The following SYT16 variants were observed in gnomAD, a reference collection of about 807,000 sequenced individuals.
SYT16 encodes synaptotagmin 16.
A neutral mutation model predicts 61.4 loss-of-function variants in SYT16; 42 were observed. That is an observed-to-expected ratio of 0.68 (90% CI 0.53 to 0.89). The LOEUF (loss-of-function observed/expected upper bound fraction) is 0.89, where lower values mean the gene tolerates loss of function less well. Among genes scored for constraint, SYT16 ranks in the 40% least tolerant of loss-of-function variants. The pLI is 0.00. For synonymous variants in SYT16, 314 were observed against 302.3 expected (o/e 1.04, Z -0.40); for missense variants, 804 against 807.3 (o/e 1.00, Z 0.05).
intron 1 of SYT16, among the ~76,000 whole-genome samples, chr14:61,879,443 A>C (rs186869706): frequency 1.4e-4 from 21 of 152,296 alleles, no homozygotes; most frequent in Admixed American, 1.3e-4. Context: ...ACTTTTGACA[A>C]GCAATTCACC....
chr14:61,994,630 T>G (rs2052688674), intron 2 of SYT16, among the ~76,000 whole-genome samples: 1 of 152,096 alleles, frequency 6.6e-6, no homozygotes, highest in African/African-American at 2.4e-5. Context: ...TGTATACATG[T>G]AGGTGGTGGG....
chr14:61,894,948 T>A (rs564848957), intron 1 of SYT16, among the ~76,000 whole-genome samples: 2 of 152,214 alleles, frequency 1.3e-5, no homozygotes, highest in Non-Finnish European at 2.9e-5. Flanking sequence ...CAGGAGTAGC[T>A]GTGGGCTCCA....
chr14:62,030,764 G>T (rs922373135), intron 3 of SYT16, among the ~76,000 whole-genome samples: 2 of 152,184 alleles, frequency 1.3e-5, no homozygotes, highest in African/African-American at 2.4e-5. Context: ...AAGCATTGAT[G>T]AAACAAAATG....
chr14:62,090,104 AAGTT>A (rs2057020157), intron 7 of SYT16, among the ~76,000 whole-genome samples: 1 of 152,212 alleles, frequency 6.6e-6, no homozygotes, highest in Non-Finnish European at 1.5e-5. Context: ...TGTTTCAAAA[AAGTT>A]AGGTATTGTG....
In SYT16 at chr14:62,109,215, A is replaced by G. The variant is rs2141040151; in HGVS notation, c.*8508A>G. 1 of 150,632 alleles carries G rather than the reference A, an allele frequency of 6.6e-6. No individual in the cohort carries two copies. Among genetic ancestry groups the G allele is most frequent in the East Asian group, 2.0e-4 (1 of 5,122 alleles). 9.3% of individuals were successfully genotyped at this position (150,632 alleles called of 1,614,324 possible). On this transcript the variant is annotated 3_prime_UTR_variant, in exon 8 of 8. Coordinates refer to ENST00000683842, the MANE Select transcript of SYT16 (RefSeq NM_001367656.1). ...CCCTCCCACCTAAGCCCTGGCATCC[A>G]CTGGTCCTTGTACTGTCCCCAGAGT... is the stretch of plus-strand genomic sequence containing the variant.
rs2057526624 is a variant in SYT16 at position 62,107,041 on chromosome 14, T to A, written c.*6334T>A. 1 of 151,876 alleles carries A rather than the reference T, an allele frequency of 6.6e-6. No individual in the cohort carries two copies. Among genetic ancestry groups the A allele is most frequent in the African/African-American group, 2.4e-5 (1 of 41,312 alleles). The allele number at this position is 151,876 out of a possible 1,614,324, so 9.4% of individuals were successfully genotyped here. On this transcript the variant is annotated 3_prime_UTR_variant, in exon 8 of 8. Coordinates refer to ENST00000683842, the MANE Select transcript of SYT16 (RefSeq NM_001367656.1). Reference sequence around the variant, plus strand: ...ATGAGAAGGCTGACTTCCTATTGTATTGCCATATTTATGCATTATTTTTGT... The same window carrying A: ...ATGAGAAGGCTGACTTCCTATTGTAATGCCATATTTATGCATTATTTTTGT...
At chr14:61,924,917 C>T (rs1389525921) in intron 1 of SYT16, among the ~76,000 whole-genome samples, 1 of 152,190 alleles carries the variant, frequency 6.6e-6, no homozygotes, top group East Asian at 1.9e-4. Context: ...ATTGTGTTAG[C>T]TTCTTGATCC....
At chr14:62,043,094 T>C (rs1000629375) in intron 3 of SYT16, among the ~76,000 whole-genome samples, 5 of 125,232 alleles carry the variant, frequency 4.0e-5, no homozygotes, top group Admixed American at 1.5e-4. Context: ...TTGCCTGTGG[T>C]TTCTCTTTTT....
chr14:61,829,619 A>G (rs992217059), intron 1 of SYT16, among the ~76,000 whole-genome samples: 3 of 149,140 alleles, frequency 2.0e-5, no homozygotes, highest in East Asian at 2.0e-4. Flanking sequence ...TTGTCTCTCT[A>G]TTGTTCAGAT....
intron 3 of SYT16, among the ~76,000 whole-genome samples, chr14:62,000,601 T>C (rs1595121920): frequency 6.6e-6 from 1 of 152,200 alleles, no homozygotes; most frequent in East Asian, 1.9e-4. Flanking sequence ...GATTTGTTTG[T>C]TCCATCTGTT....
Position 62,089,248 on chromosome 14 carries a change from G to T in SYT16, c.1624+4863G>T, listed in dbSNP as rs148741408. Among the ~76,000 whole-genome samples the T allele has an allele frequency of 5.1e-3, 778 of 152,030 alleles. 8 individuals carry two copies. The highest frequency in any genetic ancestry group is 0.018 in the African/African-American group (734 of 41,474). ...GCAGGAGAATTGCTGGAACCTGGGA[G>T]GTTGAGGTTGCAGTGTGCCAAGATC... On this transcript the variant is annotated intron_variant, in intron 7 of 7. Coordinates refer to ENST00000683842, the MANE Select transcript of SYT16 (RefSeq NM_001367656.1).
At chr14:62,060,405 C>T (rs574308019) in intron 3 of SYT16, among the ~76,000 whole-genome samples, 8 of 151,998 alleles carry the variant, frequency 5.3e-5, no homozygotes, top group Non-Finnish European at 1.0e-4. Flanking sequence ...AATGACCTTG[C>T]CAAATTCACT....
chr14:61,877,156 G>C (rs1284826197), intron 1 of SYT16, among the ~76,000 whole-genome samples: 1 of 152,142 alleles, frequency 6.6e-6, no homozygotes, highest in Non-Finnish European at 1.5e-5. Context: ...TTCGGGAGCT[G>C]GTCCTTGGGT....
intron 1 of SYT16, among the ~76,000 whole-genome samples, chr14:61,889,239 A>T (rs1255353837): frequency 6.6e-6 from 1 of 152,160 alleles, no homozygotes; most frequent in East Asian, 1.9e-4. Flanking sequence ...TATTAAGAGG[A>T]AACTTCAAAG....
At chr14:62,054,274 A>G (rs976837362) in intron 3 of SYT16, among the ~76,000 whole-genome samples, 2 of 151,316 alleles carry the variant, frequency 1.3e-5, no homozygotes, top group Non-Finnish European at 2.9e-5. Context: ...GTATAAGCAT[A>G]CCACCACCAA....
At position 62,080,851 on chromosome 14, in the gene SYT16, T is replaced by C; in HGVS notation, c.1011T>C (p.Asn337=). ...MWSPEEQDRT[N]LQVPSGVSEP... ...TGCAACAGGAACAGGACAGGACCAA[T>C]TTGCAGGTGCCATCCGGGGTCTCAG... The change falls in exon 6 of 8, where the codon AAT becomes AAC. Residue 337 remains asparagine, a synonymous_variant. Transcript: ENST00000683842. 1.9e-6 allele frequency: 3 copies of C among 1,599,760 alleles called. No homozygotes were observed. In the Admixed American group the frequency reaches 5.2e-5, roughly 28 times the overall value.
At position 61,920,043 on chromosome 14, in the gene SYT16, C is replaced by A. The variant is rs147560871; in HGVS notation, c.-324-50089C>A. ...GAAAGTATTGAACTGCTGGAGATTT[C>A]TGCATGCTCCAGGCCCCCCGACATA... On this transcript the variant is annotated intron_variant, in intron 1 of 7. Transcript: ENST00000683842. Among the ~76,000 whole-genome samples the A allele has an allele frequency of 3.0e-3, 461 of 152,284 alleles. 1 individual carries two copies. Among genetic ancestry groups the A allele is most frequent in the African/African-American group, 9.4e-3 (389 of 41,564 alleles).
At chr14:61,995,427 A>G (rs996176337) in intron 2 of SYT16, among the ~76,000 whole-genome samples, 3 of 152,142 alleles carry the variant, frequency 2.0e-5, no homozygotes, top group African/African-American at 7.2e-5. Context: ...AAGCTTTTTA[A>G]TTCCAGACAC....
At chr14:61,840,696 G>A (rs1238905002) in intron 1 of SYT16, among the ~76,000 whole-genome samples, 1 of 152,002 alleles carries the variant, frequency 6.6e-6, no homozygotes. Flanking sequence ...AAGGTGGCTG[G>A]TGGCTTCCAT....
Sources: allele counts gnomAD v4.1 joint callset (sites outside exome capture counted in the v4.1 genomes callset), GRCh38; gene constraint gnomAD v4.1.1; transcripts MANE v1.5; gene names NCBI Gene and HGNC (gene_info 2026-07-23, HGNC 2026-07-21).